Variants in PIP5KL1 observed in about 807,000 individuals in gnomAD.
PIP5KL1 encodes the protein phosphatidylinositol 4-phosphate 5-kinase-like protein 1.
A neutral mutation model predicts 47.6 loss-of-function variants in PIP5KL1; 45 were observed. That is an observed-to-expected ratio of 0.94 (90% confidence interval 0.74 to 1.21). The LOEUF is 1.21. PIP5KL1 is among the 50% of genes most tolerant of loss of function. PIP5KL1 has a pLI of 0.00. For synonymous variants in PIP5KL1, 256 were observed against 234.6 expected (o/e 1.09, Z -0.84); for missense variants, 577 against 547.6 (o/e 1.05, Z -0.54).
Position 127,927,851 on chromosome 9 carries a change from A to G in PIP5KL1, c.435-79T>C. 6.6e-7 allele frequency: 1 copy of G among 1,508,608 alleles called. No homozygotes were observed. 93.5% of individuals were successfully genotyped at this position (1,508,608 alleles called of 1,614,324 possible). A position where few individuals can be genotyped will look rare whatever the true frequency, so the allele number is the denominator to read the frequency against. On this transcript the variant is annotated intron_variant, in intron 4 of 9. Coordinates refer to ENST00000388747, the MANE Select transcript of PIP5KL1 (RefSeq NM_001135219.2). This position sits in a 1 kb window ranked among gnomAD's most constrained non-coding sequence, Gnocchi z 5.5. ...CCCGGCCCCCTTCCCCGACCTGTGC[A>G]CGTGGATCTCGCTCCCAGGTCTCGG...
At chr9:127,922,708 A>AAG (rs1442555664) in intron 9 of PIP5KL1, among the ~76,000 whole-genome samples, 18 of 140,928 alleles carry the variant, frequency 1.3e-4, no homozygotes, top group Non-Finnish European at 1.9e-4. Context: ...AAAAAAAAAA[A>AAG]AAAGAAAAAA....
Position 127,927,460 on chromosome 9 carries a change from G to T in PIP5KL1, c.560-129C>A. The T allele has an allele frequency of 6.8e-7, 1 of 1,480,072 alleles. No individual in the cohort carries two copies. Among genetic ancestry groups the T allele is most frequent in the Non-Finnish European group, 9.0e-7 (1 of 1,116,764 alleles). The allele number at this position is 1,480,072 out of a possible 1,614,324, so 91.7% of individuals were successfully genotyped here. A position where few individuals can be genotyped will look rare whatever the true frequency, so the allele number is the denominator to read the frequency against. ...CGGCACCTGGACCCTTCCTTGGCTGGTCCGGATCCCGACCCGATCCCACCC... is the reference window on the plus strand; with the variant it reads ...CGGCACCTGGACCCTTCCTTGGCTGTTCCGGATCCCGACCCGATCCCACCC... On this transcript the variant is annotated intron_variant, in intron 5 of 9. Coordinates refer to ENST00000388747, the MANE Select transcript of PIP5KL1 (RefSeq NM_001135219.2). This position sits in a 1 kb window ranked among gnomAD's most constrained non-coding sequence, Gnocchi z 5.5.
Position 127,925,781 on chromosome 9 carries a change from A to G in PIP5KL1, c.763+86T>C, listed in dbSNP as rs1588684193. ...GCCCGGCCGAATCTGGGCTCTTAAT[A>G]ACTCAGGCAGAGGGCAGCAGGGACA... On this transcript the variant is annotated intron_variant, in intron 8 of 9. Transcript: ENST00000388747. 6 of 1,195,116 alleles carry G rather than the reference A, an allele frequency of 5.0e-6. No homozygotes were observed. In the East Asian group the frequency reaches 1.2e-4, roughly 23 times the overall value. 74.0% of individuals were successfully genotyped at this position (1,195,116 alleles called of 1,614,324 possible). A position where few individuals can be genotyped will look rare whatever the true frequency, so the allele number is the denominator to read the frequency against.
chr9:127,928,592 T>C, intron 2 of PIP5KL1, 109 bp from the exon 3 acceptor site: 3 of 1,140,976 alleles, frequency 2.6e-6, no homozygotes, highest in Non-Finnish European at 3.6e-6. Flanking sequence ...TCCAATTGGA[T>C]TCCTTCAGCA....
intron 7 of PIP5KL1, among the ~76,000 whole-genome samples, chr9:127,926,185 TTC>T (rs934097952): frequency 6.6e-6 from 1 of 151,736 alleles, no homozygotes; most frequent in Admixed American, 6.6e-5. Flanking sequence ...TTTCTCTCTC[TTC>T]TCTCTTTCTT....
Position 127,929,625 on chromosome 9 carries a change from A to G in PIP5KL1, c.228+63T>C. 7.0e-7 allele frequency: 1 copy of G among 1,424,572 alleles called. No homozygotes were observed. The allele number at this position is 1,424,572 out of a possible 1,614,324, so 88.2% of individuals were successfully genotyped here. A position where few individuals can be genotyped will look rare whatever the true frequency, so the allele number is the denominator to read the frequency against. ...CCCACACCTGCAGTTTCAGCCAGAC[A>G]GGGCATCAGCCAAGTCTTGCCATTG... On this transcript the variant is annotated intron_variant, in intron 2 of 9. Transcript: ENST00000388747. This position sits in a 1 kb window ranked among gnomAD's most constrained non-coding sequence, Gnocchi z 4.0.
chr9:127,925,280 C>A lies in PIP5KL1; in HGVS notation c.764-20G>T. 1.2e-6 allele frequency: 2 copies of A among 1,608,396 alleles called. No individual in the cohort carries two copies. Among genetic ancestry groups the A allele is most frequent in the South Asian group, 1.1e-5 (1 of 90,992 alleles). Reference sequence around the variant, plus strand: ...GGGGCCCTGCCGGAGCATCAGTGCCCCCACCTGAGCGCTCATCATGTGCCA... The same window carrying A: ...GGGGCCCTGCCGGAGCATCAGTGCCACCACCTGAGCGCTCATCATGTGCCA... On this transcript the variant is annotated intron_variant, in intron 8 of 9. Transcript: ENST00000388747.
rs1831375461 is a variant in PIP5KL1 at position 127,927,223 on chromosome 9, A to G, written c.595-15T>C. On this transcript the variant is annotated splice_polypyrimidine_tract_variant and intron_variant, in intron 6 of 9. Coordinates refer to ENST00000388747, the MANE Select transcript of PIP5KL1 (RefSeq NM_001135219.2). The surrounding 1 kb of genome is among the most constrained non-coding windows in gnomAD (Gnocchi z 5.5). Reference sequence around the variant, plus strand: ...ATGAAGTACGTCTGGGGGCCGGGACAGGGAGTGAGGGAGGCCGGCTGTCGC... The same window carrying G: ...ATGAAGTACGTCTGGGGGCCGGGACGGGGAGTGAGGGAGGCCGGCTGTCGC... The G allele has an allele frequency of 6.2e-7, 1 of 1,612,752 alleles. No homozygotes were observed. The highest frequency in any genetic ancestry group is 8.5e-7 in the Non-Finnish European group (1 of 1,179,752).
At position 127,922,098 on chromosome 9, in the gene PIP5KL1, G is replaced by A. The variant is rs748273592; in HGVS notation, c.934C>T (p.Gln312Ter). 67 of 1,543,114 alleles carry A rather than the reference G, an allele frequency of 4.3e-5. No homozygotes were observed. The highest frequency in any genetic ancestry group is 5.7e-5 in the Non-Finnish European group (65 of 1,146,324). ...FRTARSVQGA[Q>*]SPEESRAQNR... ...TGGGCTCTCGACTCTTCCGGGCTCTGTGCCCCTTGCACAGACCTGGGGGCC... is the reference window on the plus strand; with the variant it reads ...TGGGCTCTCGACTCTTCCGGGCTCTATGCCCCTTGCACAGACCTGGGGGCC... The change falls in exon 10 of 10, where the codon CAG (glutamine) becomes TAG (stop). Residue 312 changes from glutamine to a stop codon, truncating the protein, a stop_gained. Coordinates refer to ENST00000388747, the MANE Select transcript of PIP5KL1 (RefSeq NM_001135219.2). LOFTEE classifies it high-confidence loss of function.
In PIP5KL1 at chr9:127,928,140, T is replaced by G; in HGVS notation, c.359A>C (p.Gln120Pro). The G allele has an allele frequency of 1.3e-6, 2 of 1,546,614 alleles. No homozygotes were observed. The highest frequency in any genetic ancestry group is 1.7e-6 in the Non-Finnish European group (2 of 1,146,986). Residue 120 changes from glutamine (Q) to proline (P), a missense_variant, in exon 4 of 10, where the codon CAG (glutamine) becomes CCG (proline). Physicochemically the swap from Gln to Pro is moderately conservative, Grantham distance 76. Transcript: ENST00000388747. ...GGGGCCGCCGGGGCCCAGGGCAGCC[T>G]GATAGTCCTCCTCCGCCAGGCCCAG... is the stretch of plus-strand genomic sequence containing the variant. ...RSLGLAEEDY[Q>P]AALGPGGPYL... is the part of the protein sequence containing the mutation.
chr9:127,925,081 C>T (rs376255410), intron 9 of PIP5KL1, 26 bp downstream of exon 9: 29 of 1,612,564 alleles, frequency 1.8e-5, no homozygotes, highest in Middle Eastern at 1.6e-4. Flanking sequence ...ACCTCAATCT[C>T]GCTGTTGCCC....
intron 9 of PIP5KL1, 145 bp from the exon 10 acceptor site, chr9:127,922,259 T>C: frequency 1.9e-6 from 2 of 1,074,612 alleles, no homozygotes; most frequent in Middle Eastern, 3.1e-4. Context: ...TCAGGTAGAC[T>C]GAGAAAAGTG....
chr9:127,930,355 T>G (rs1831418841), intron 1 of PIP5KL1, among the ~76,000 whole-genome samples: 1 of 152,194 alleles, frequency 6.6e-6, no homozygotes, highest in Non-Finnish European at 1.5e-5. Context: ...TCGCCTATGC[T>G]GAGCGCCTCC....
Position 127,927,374 on chromosome 9 carries a change from C to A in PIP5KL1, c.560-43G>T. On this transcript the variant is annotated intron_variant, in intron 5 of 9. Transcript: ENST00000388747. This position sits in a 1 kb window ranked among gnomAD's most constrained non-coding sequence, Gnocchi z 5.5. ...GCCGGATGAGGATCCCCAAACTCCA[C>A]AACCCGGGGTGCATCCGGCGCCAAT... The A allele has an allele frequency of 6.3e-7, 1 of 1,580,638 alleles. No homozygotes were observed. The highest frequency in any genetic ancestry group is 8.6e-7 in the Non-Finnish European group (1 of 1,168,106).
chr9:127,928,675 G>T (rs1339923886), intron 2 of PIP5KL1, 192 bp from the exon 3 acceptor site: 1 of 623,076 alleles, frequency 1.6e-6, no homozygotes, highest in Admixed American at 3.0e-5. Flanking sequence ...ATGCCAGGGG[G>T]ACAAGAGTGA....
intron 1 of PIP5KL1, among the ~76,000 whole-genome samples, 168 bp from the exon 2 acceptor site, chr9:127,930,053 T>C (rs1229295281): frequency 1.3e-5 from 2 of 152,178 alleles, no homozygotes; most frequent in Non-Finnish European, 2.9e-5. Context: ...GGCCACACAG[T>C]GCCTGGCACG....
At chr9:127,924,820 G>A (rs1301425571) in intron 9 of PIP5KL1, among the ~76,000 whole-genome samples, 2 of 152,110 alleles carry the variant, frequency 1.3e-5, no homozygotes, top group African/African-American at 2.4e-5. Context: ...CCCTGCTGCA[G>A]TCCACCTGTG....
chr9:127,927,774 T>TG lies in PIP5KL1; in HGVS notation c.435-3dup, dbSNP rs1480675770. The TG allele has an allele frequency of 8.3e-6, 13 of 1,560,670 alleles. No homozygotes were observed. The Admixed American group carries it at 1.1e-4, about 14-fold the overall frequency. The stretch of plus-strand genomic sequence containing the variant: ...TTCAGGAAGAAGCGCTGGTCGTGGC[T>TG]GGGGGGCAAGAGAAAGAGGTCACTG... On this transcript the variant is annotated splice_polypyrimidine_tract_variant and splice_region_variant and intron_variant, in intron 4 of 9. Transcript: ENST00000388747. The surrounding 1 kb of genome is among the most constrained non-coding windows in gnomAD (Gnocchi z 5.5).
At position 127,927,446 on chromosome 9, in the gene PIP5KL1, C is replaced by T; in HGVS notation, c.560-115G>A. The T allele has an allele frequency of 2.7e-6, 4 of 1,499,394 alleles. No homozygotes were observed. Among genetic ancestry groups the T allele is most frequent in the Non-Finnish European group, 3.6e-6 (4 of 1,125,992 alleles). 92.9% of individuals were successfully genotyped at this position (1,499,394 alleles called of 1,614,324 possible). ...CTTCTCAAGATCCGCGGCACCTGGA[C>T]CCTTCCTTGGCTGGTCCGGATCCCG... On this transcript the variant is annotated intron_variant, in intron 5 of 9. Transcript: ENST00000388747. The surrounding 1 kb of genome is among the most constrained non-coding windows in gnomAD (Gnocchi z 5.5).
Sources: allele counts gnomAD v4.1 joint callset (sites outside exome capture counted in the v4.1 genomes callset), GRCh38; gene constraint gnomAD v4.1.1; non-coding constraint Gnocchi (gnomAD v3.1); transcripts MANE v1.5; gene names NCBI Gene and HGNC (gene_info 2026-07-23, HGNC 2026-07-21).